The following CCNT1 variants were observed in gnomAD, a reference collection of about 807,000 sequenced individuals.
CCNT1 encodes the protein cyclin-T1.
In CCNT1, 18 loss-of-function variants were observed where a neutral mutation model predicts 67.3. The ratio of observed to expected loss-of-function variants is 0.27; its 90% CI spans 0.18 to 0.40. The LOEUF is 0.40. CCNT1 is among the 10% of genes least tolerant of loss of function. The probability of loss-of-function intolerance (pLI) is 1.00; values close to 1 mark genes in which losing one functional copy is unlikely to be tolerated. For synonymous variants in CCNT1, 333 were observed against 310.3 expected, an observed-to-expected ratio of 1.07 and a Z score of -0.77; for missense variants, 744 against 884.9, an observed-to-expected ratio of 0.84 and a Z score of 2.02.
intron 3 of CCNT1, among the ~76,000 whole-genome samples, chr12:48,704,658 A>C (rs1334140390): frequency 6.6e-6 from 1 of 152,112 alleles, no homozygotes; most frequent in Admixed American, 6.5e-5. Flanking sequence ...AAAATACAAA[A>C]ATTAGCTGTG....
At chr12:48,697,825 T>C in intron 6 of CCNT1, 1 of 92,184 alleles carries the variant, frequency 1.1e-5, no homozygotes, top group African/African-American at 4.8e-5. Context: ...TCTCAAAAAA[T>C]AATAATAATA....
rs751608033 is a variant in CCNT1 at position 48,693,380 on chromosome 12, G to C, written c.1834C>G (p.Gln612Glu). ...GTGTCTGAGCTATGCCCAGGCATCT[G>C]ACCCATTGTAGGAAGTGAAGGGAAG... ...FSFPSLPTMGQMPGHSSDTSG... is the reference protein window; with the variant it reads ...FSFPSLPTMGEMPGHSSDTSG... The change falls in exon 9 of 9, where the codon CAG becomes GAG. Residue 612 changes from glutamine (Q) to glutamate (E), a missense_variant. Gln to Glu is a conservative substitution (Grantham distance 29). This residue lies in a region of CCNT1 where 564 missense variants were observed against 574.2 expected (regional missense o/e 0.98). Transcript: ENST00000261900. The C allele has an allele frequency of 3.1e-6, 5 of 1,614,226 alleles. No homozygotes were observed. Among genetic ancestry groups the C allele is most frequent in the Non-Finnish European group, 4.2e-6 (5 of 1,180,050 alleles).
rs1176610393 is a variant in CCNT1 at position 48,693,046 on chromosome 12, G to T, written c.2168C>A (p.Pro723His). The change falls in exon 9 of 9, where the codon CCC (proline) becomes CAC (histidine). Residue 723 changes from proline (P) to histidine (H), a missense_variant. By Grantham distance (77) the Pro-to-His change is moderately conservative. Transcript: ENST00000261900. Reference protein sequence around the residue: ...LPSEPPPPLPPLPK With the variant: ...LPSEPPPPLPHLPK ...CTTTTTCTTTTTTTACTTAGGAAGG[G>T]GTGGAAGTGGTGGAGGAGGTTCTGA... 1 of 1,591,628 alleles carries T rather than the reference G, an allele frequency of 6.3e-7. No individual in the cohort carries two copies. Among genetic ancestry groups the T allele is most frequent in the Non-Finnish European group, 8.6e-7 (1 of 1,162,252 alleles).
At chr12:48,696,833 A>G (rs1940175227) in intron 6 of CCNT1, among the ~76,000 whole-genome samples, 1 of 152,090 alleles carries the variant, frequency 6.6e-6, no homozygotes, top group Non-Finnish European at 1.5e-5. Flanking sequence ...GTTATGTACT[A>G]ATCATTTACT....
At position 48,692,880 on chromosome 12, in the gene CCNT1, C is replaced by A; in HGVS notation, c.*153G>T. ...TGAGACAGCAGATATATAGCCAAGGCCTTCTACCACCCTCCTAACTATGTC... is the reference window on the plus strand; with the variant it reads ...TGAGACAGCAGATATATAGCCAAGGACTTCTACCACCCTCCTAACTATGTC... On this transcript the variant is annotated 3_prime_UTR_variant, in exon 9 of 9. Coordinates refer to ENST00000261900, the MANE Select transcript of CCNT1 (RefSeq NM_001240.4). 1.7e-6 allele frequency: 1 copy of A among 598,504 alleles called. No homozygotes were observed. The allele number at this position is 598,504 out of a possible 1,614,324, so 37.1% of individuals were successfully genotyped here.
At chr12:48,700,841 A>T (rs1242240142) in intron 4 of CCNT1, among the ~76,000 whole-genome samples, 172 bp downstream of exon 4, 1 of 152,156 alleles carries the variant, frequency 6.6e-6, no homozygotes, top group Non-Finnish European at 1.5e-5. Context: ...ACCTGCATTC[A>T]CTCTATGGAA....
chr12:48,695,972 T>C (rs1053749177), intron 7 of CCNT1, 27 bp downstream of exon 7: 1 of 1,612,354 alleles, frequency 6.2e-7, no homozygotes, highest in Non-Finnish European at 8.5e-7. Context: ...GCAAGTGCTT[T>C]TCAAGGTCCC....
At chr12:48,713,220 A>G (rs893875862) in intron 2 of CCNT1, among the ~76,000 whole-genome samples, 4 of 149,104 alleles carry the variant, frequency 2.7e-5, no homozygotes, top group African/African-American at 9.9e-5. Flanking sequence ...TTTTTTGTAG[A>G]AACGGGGTCT....
chr12:48,693,490 C>T lies in CCNT1; in HGVS notation c.1724G>A (p.Gly575Glu), dbSNP rs909900930. The part of the protein sequence containing the change: ...FSSSSSTRKR[G>E]PSEETGGAVF... Reference sequence around the variant, plus strand: ...AGCCCCTCCAGTCTCTTCAGAGGGTCCCCTTTTACGAGTAGAACTGGAAGA... The same window carrying T: ...AGCCCCTCCAGTCTCTTCAGAGGGTTCCCTTTTACGAGTAGAACTGGAAGA... Residue 575 changes from glycine (G) to glutamate (E), a missense_variant, in exon 9 of 9, where the codon GGA (glycine) becomes GAA (glutamate). By Grantham distance (98) the Gly-to-Glu change is moderately conservative. Around this residue, in one of 3 missense-constraint regions of CCNT1, gnomAD observed 564 missense variants for 574.2 expected, o/e 0.98. Transcript: ENST00000261900. 21 of 1,614,028 alleles carry T rather than the reference C, an allele frequency of 1.3e-5. No individual in the cohort carries two copies. Among genetic ancestry groups the T allele is most frequent in the Non-Finnish European group, 1.7e-5 (20 of 1,180,036 alleles).
At chr12:48,696,537 A>T (rs1940171891) in intron 6 of CCNT1, among the ~76,000 whole-genome samples, 1 of 152,158 alleles carries the variant, frequency 6.6e-6, no homozygotes, top group African/African-American at 2.4e-5. Context: ...TTATCCTGAG[A>T]CTAAGCTCAG....
chr12:48,707,973 C>T (rs995351153), intron 2 of CCNT1, among the ~76,000 whole-genome samples: 3 of 151,960 alleles, frequency 2.0e-5, no homozygotes, highest in Non-Finnish European at 2.9e-5. Flanking sequence ...CCCACCTACT[C>T]GGGAGAATTG....
At chr12:48,697,963 CTAAA>C in intron 6 of CCNT1, 171 bp downstream of exon 6, 1 of 437,950 alleles carries the variant, frequency 2.3e-6, no homozygotes, top group Non-Finnish European at 4.1e-6. Flanking sequence ...AAAATCAGTA[CTAAA>C]TAATTACATA....
chr12:48,688,870 G>C lies in CCNT1; in HGVS notation c.*4163C>G, dbSNP rs1940028851. 1 of 152,000 alleles carries C rather than the reference G, an allele frequency of 6.6e-6. No homozygotes were observed. The highest frequency in any genetic ancestry group is 1.5e-5 in the Non-Finnish European group (1 of 67,982). 9.4% of individuals were successfully genotyped at this position (152,000 alleles called of 1,614,324 possible). ...AAAAGAGTTTTAGGTGTGTGAAGTA[G>C]GGTGGGAAAAAAGGTCAGTTTCAAA... On this transcript the variant is annotated 3_prime_UTR_variant, in exon 9 of 9. Coordinates refer to ENST00000261900, the MANE Select transcript of CCNT1 (RefSeq NM_001240.4).
rs1175968051 is a variant in CCNT1, at chr12:48,691,653, G to A, written c.*1380C>T. The A allele has an allele frequency of 2.6e-5, 4 of 152,064 alleles. No homozygotes were observed. Among genetic ancestry groups the A allele is most frequent in the East Asian group, 1.9e-4 (1 of 5,200 alleles). The allele number at this position is 152,064 out of a possible 1,614,324, so 9.4% of individuals were successfully genotyped here. On this transcript the variant is annotated 3_prime_UTR_variant, in exon 9 of 9. Transcript: ENST00000261900. Reference sequence around the variant, plus strand: ...AGGACTTAGAAATCTTAAGAACCTCGATCAAGAACCTAAAGCTACCAAAGA... The same window carrying A: ...AGGACTTAGAAATCTTAAGAACCTCAATCAAGAACCTAAAGCTACCAAAGA...
rs1352559586 is a variant in CCNT1, at chr12:48,698,695, C to T, written c.497-512G>A. Among the ~76,000 whole-genome samples the T allele has an allele frequency of 3.3e-5, 5 of 152,278 alleles. No individual in the cohort carries two copies. In the South Asian group the frequency reaches 1.0e-3, roughly 32 times the overall value. ...AATTAAGGCTGGGCACGGTGGCTCA[C>T]GCCTGTAATCCCAGCACTTTGGGAC... On this transcript the variant is annotated intron_variant, in intron 5 of 8. Coordinates refer to ENST00000261900, the MANE Select transcript of CCNT1 (RefSeq NM_001240.4).
rs369185773 is a variant in CCNT1, at chr12:48,693,132, C to A, written c.2082G>T (p.Arg694=). The A allele has an allele frequency of 6.2e-7, 1 of 1,613,826 alleles. No homozygotes were observed. Among genetic ancestry groups the A allele is most frequent in the African/African-American group, 1.3e-5 (1 of 74,850 alleles). ...CAGATCTCGAGGAGATTCCACCAGA[C>A]CGAGGATTCAGATAGTCACTATAAG... ...VRPYSDYLNP[R]SGGISSRSGN... is the part of the protein sequence containing the mutation. Residue 694 remains arginine (R), a synonymous_variant, in exon 9 of 9, where the codon CGG becomes CGT. Coordinates refer to ENST00000261900, the MANE Select transcript of CCNT1 (RefSeq NM_001240.4).
chr12:48,716,082 C>T (rs1940528476), intron 1 of CCNT1, among the ~76,000 whole-genome samples: 1 of 152,158 alleles, frequency 6.6e-6, no homozygotes, highest in African/African-American at 2.4e-5. Context: ...TTCTAGTCCA[C>T]CCTTTATAAC....
rs1270534224 is a variant in CCNT1, at chr12:48,688,460, A to G, written c.*4573T>C. On this transcript the variant is annotated 3_prime_UTR_variant, in exon 9 of 9. Transcript: ENST00000261900. ...AGTACACATAAACAACAATCAAATGAGTGTTTTACCATTAACATTTATTGA... is the reference window on the plus strand; with the variant it reads ...AGTACACATAAACAACAATCAAATGGGTGTTTTACCATTAACATTTATTGA... 1 of 151,998 alleles carries G rather than the reference A, an allele frequency of 6.6e-6. No individual in the cohort carries two copies. Among genetic ancestry groups the G allele is most frequent in the East Asian group, 1.9e-4 (1 of 5,196 alleles). 9.4% of individuals were successfully genotyped at this position (151,998 alleles called of 1,614,324 possible).
chr12:48,704,965 CT>C (rs1290213810), intron 3 of CCNT1, among the ~76,000 whole-genome samples: 3 of 152,216 alleles, frequency 2.0e-5, no homozygotes, highest in Non-Finnish European at 4.4e-5. Flanking sequence ...ACCCCACCCC[CT>C]GTCCATGTAA....
Sources: gnomAD v4.1 joint callset for allele counts (sites outside exome capture counted in the v4.1 genomes callset) on GRCh38, gnomAD v4.1.1 for gene constraint, gnomAD v4.1.1 regional missense constraint, MANE v1.5 for transcripts, NCBI Gene and HGNC (gene_info 2026-07-23, HGNC 2026-07-21) for gene names.